Variants in TESC observed in about 807,000 individuals in gnomAD.
The protein encoded by TESC is calcineurin B homologous protein 3.
A neutral mutation model predicts 31.0 loss-of-function variants in TESC; 19 were observed. The observed-to-expected ratio is 0.61, with a 90% CI of 0.43 to 0.90. The LOEUF is 0.90. Ranked by LOEUF, TESC falls within the 40% of genes least tolerant of loss-of-function variation. TESC has a pLI of 0.00. For synonymous variants in TESC, 109 were observed against 114.8 expected, an observed-to-expected ratio of 0.95 and a Z score of 0.32; for missense variants, 248 against 303.8, an observed-to-expected ratio of 0.82 and a Z score of 1.36.
intron 1 of TESC, among the ~76,000 whole-genome samples, chr12:117,095,353 G>A (rs1295253853): frequency 1.3e-5 from 2 of 152,284 alleles, no homozygotes; most frequent in East Asian, 1.9e-4. Context: ...GATTATAGGC[G>A]TGAGCCACCA....
At chr12:117,068,846 T>G (rs1021665227) in intron 2 of TESC, among the ~76,000 whole-genome samples, 4 of 152,252 alleles carry the variant, frequency 2.6e-5, no homozygotes, top group Non-Finnish European at 5.9e-5. Context: ...CTGGCATTTA[T>G]AAGCCTGCCA....
At chr12:117,060,518 G>A (rs1954787878) in intron 2 of TESC, among the ~76,000 whole-genome samples, 1 of 152,180 alleles carries the variant, frequency 6.6e-6, no homozygotes, top group Non-Finnish European at 1.5e-5. Context: ...AGCCCTGAAT[G>A]AGTCAGGGTT....
At chr12:117,053,468 G>T (rs1238369847) in intron 3 of TESC, among the ~76,000 whole-genome samples, 1 of 152,176 alleles carries the variant, frequency 6.6e-6, no homozygotes, top group African/African-American at 2.4e-5. Context: ...ACAGACCCGA[G>T]TTGGAATCCC....
intron 1 of TESC, among the ~76,000 whole-genome samples, chr12:117,094,048 G>A (rs1408751773): frequency 6.6e-6 from 1 of 152,164 alleles, no homozygotes; most frequent in Non-Finnish European, 1.5e-5. Flanking sequence ...TTTGTACCTC[G>A]GTCCACACAC....
In TESC at chr12:117,064,171, C is replaced by A. The variant is rs138022607; in HGVS notation, c.129-7285G>T. Among the ~76,000 whole-genome samples the A allele has an allele frequency of 3.2e-3, 485 of 152,294 alleles. 5 individuals are homozygous for A. The highest frequency in any genetic ancestry group is 0.011 in the African/African-American group (475 of 41,558). On this transcript the variant is annotated intron_variant, in intron 2 of 7. Coordinates refer to ENST00000335209, the MANE Select transcript of TESC (RefSeq NM_017899.4). ...GGCTCAAGTGATCCTCCCGCCTTGG[C>A]CTCCCAAAGTGCTGGCATTACAGAA...
At chr12:117,066,713 G>A (rs1224048501) in intron 2 of TESC, among the ~76,000 whole-genome samples, 2 of 152,102 alleles carry the variant, frequency 1.3e-5, no homozygotes, top group Admixed American at 6.6e-5. Flanking sequence ...TGATGTGCTA[G>A]CTTTCTCTCT....
intron 2 of TESC, among the ~76,000 whole-genome samples, chr12:117,073,387 G>A (rs1028385789): frequency 6.6e-6 from 1 of 152,178 alleles, no homozygotes; most frequent in Non-Finnish European, 1.5e-5. Context: ...AGAATTAAAG[G>A]TATAAATCTT....
chr12:117,046,901 A>G lies in TESC; in HGVS notation c.350-63T>C, dbSNP rs1954575486. The G allele has an allele frequency of 2.9e-5, 44 of 1,503,258 alleles. 2 individuals are homozygous for G. In the South Asian group the frequency reaches 5.2e-4, roughly 18 times the overall value. 93.1% of individuals were successfully genotyped at this position (1,503,258 alleles called of 1,614,324 possible). On this transcript the variant is annotated intron_variant, in intron 4 of 7. Transcript: ENST00000335209. ...GGGCCTGGCCCCTGCCACCCCCTGA[A>G]ATGTACACTAAACTAAGCAAAAGAC...
intron 2 of TESC, among the ~76,000 whole-genome samples, chr12:117,067,390 T>A (rs1410534510): frequency 9.2e-5 from 14 of 152,036 alleles, no homozygotes; most frequent in African/African-American, 3.4e-4. Context: ...CTAGCAAGAC[T>A]CGCATCTCTA....
intron 3 of TESC, among the ~76,000 whole-genome samples, chr12:117,052,853 T>C (rs1954667173): frequency 6.6e-6 from 1 of 151,852 alleles, no homozygotes; most frequent in Admixed American, 6.6e-5. Flanking sequence ...GCCCCCACCT[T>C]CTCACGCACT....
intron 2 of TESC, among the ~76,000 whole-genome samples, chr12:117,069,098 CT>C (rs368619527): frequency 0.031 from 4,571 of 147,666 alleles, 183 homozygotes; most frequent in East Asian, 0.19. Context: ...ATAGAAATTC[CT>C]TTTTTTTTTT....
At chr12:117,043,925 C>T (rs1209649570) in intron 6 of TESC, among the ~76,000 whole-genome samples, 1 of 152,070 alleles carries the variant, frequency 6.6e-6, no homozygotes, top group Non-Finnish European at 1.5e-5. Flanking sequence ...CAGGACTTTG[C>T]AGGCTCTTTA....
chr12:117,082,163 T>G (rs12320443), intron 1 of TESC, among the ~76,000 whole-genome samples: 2 of 151,834 alleles, frequency 1.3e-5, no homozygotes, highest in African/African-American at 4.8e-5. Flanking sequence ...GAGCCAAGAT[T>G]GCACTCCAGC....
At chr12:117,056,161 T>G (rs867420764) in intron 3 of TESC, among the ~76,000 whole-genome samples, 15 of 152,232 alleles carry the variant, frequency 9.9e-5, no homozygotes, top group South Asian at 6.3e-4. Flanking sequence ...CCTCAAGTGA[T>G]CTGCCCATTT....
intron 6 of TESC, among the ~76,000 whole-genome samples, chr12:117,045,459 C>A (rs996122454): frequency 6.6e-6 from 1 of 152,264 alleles, no homozygotes; most frequent in Non-Finnish European, 1.5e-5. Context: ...CCCGACAACC[C>A]GGCGGGGGAT....
At chr12:117,045,451 C>T (rs955354730) in intron 6 of TESC, among the ~76,000 whole-genome samples, 2 of 152,274 alleles carry the variant, frequency 1.3e-5, no homozygotes, top group African/African-American at 2.4e-5. Flanking sequence ...GAATTTGGCC[C>T]GACAACCCGG....
chr12:117,051,194 T>G (rs1954642798), intron 3 of TESC, among the ~76,000 whole-genome samples: 1 of 152,228 alleles, frequency 6.6e-6, no homozygotes, highest in Non-Finnish European at 1.5e-5. Flanking sequence ...CGACTGCACC[T>G]CCATGTAAAG....
At chr12:117,084,072 T>C (rs1002570142) in intron 1 of TESC, 5 of 135,076 alleles carry the variant, frequency 3.7e-5, no homozygotes, top group African/African-American at 1.4e-4. Flanking sequence ...CCAGCCTGGG[T>C]GGCAGAGCAA....
intron 6 of TESC, among the ~76,000 whole-genome samples, chr12:117,045,954 G>A (rs1180202164): frequency 6.6e-6 from 1 of 152,174 alleles, no homozygotes; most frequent in Non-Finnish European, 1.5e-5. Context: ...AAGATCATAA[G>A]GTCTAGAGGA....
Sources: allele counts gnomAD v4.1 joint callset (sites outside exome capture counted in the v4.1 genomes callset), GRCh38; gene constraint gnomAD v4.1.1; transcripts MANE v1.5; gene names NCBI Gene and HGNC (gene_info 2026-07-23, HGNC 2026-07-21).